The following DNMT1 variants were observed in gnomAD, a reference collection of about 807,000 sequenced individuals.
The protein encoded by DNMT1 is DNA (cytosine-5)-methyltransferase 1.
Under a neutral mutation model 205.3 loss-of-function variants are expected in DNMT1, and 24 were observed. The observed-to-expected ratio is 0.12, with a 90% CI of 0.08 to 0.16. DNMT1 has a LOEUF of 0.16. Ranked by LOEUF, DNMT1 falls within the 10% of genes least tolerant of loss-of-function variation. The pLI, the probability that DNMT1 is intolerant of heterozygous loss-of-function variation, is 1.00. For synonymous variants in DNMT1, 817 were observed against 839.8 expected (o/e 0.97, Z 0.47); for missense variants, 1,293 against 2,177.7 (o/e 0.59, Z 8.09).
intron 39 of DNMT1, among the ~76,000 whole-genome samples, chr19:10,135,271 G>A (rs1052031092): frequency 2.0e-5 from 3 of 151,486 alleles, no homozygotes; most frequent in African/African-American, 7.3e-5. Context: ...TCGGGGGGAG[G>A]GGTGAAATGT....
intron 9 of DNMT1, among the ~76,000 whole-genome samples, chr19:10,172,065 G>A (rs1484227044): frequency 4.6e-5 from 7 of 151,496 alleles, no homozygotes; most frequent in East Asian, 1.9e-4. Context: ...AAAGATCCTC[G>A]CTATGACAAC....
At position 10,154,192 on chromosome 19, in the gene DNMT1, G is replaced by T; in HGVS notation, c.2019+101C>A. On this transcript the variant is annotated intron_variant, in intron 22 of 40. Transcript: ENST00000359526. The surrounding 1 kb of genome is among the most constrained non-coding windows in gnomAD (Gnocchi z 6.3). ...CTGTCTCAGGGGTCACATTTGAGCA[G>T]CCAGAGTCTCAAGCCACAGAGAGAA... 1 of 1,270,174 alleles carries T rather than the reference G, an allele frequency of 7.9e-7. No individual in the cohort carries two copies. The allele number at this position is 1,270,174 out of a possible 1,614,324, so 78.7% of individuals were successfully genotyped here.
chr19:10,179,641 G>A (rs2039004375), intron 5 of DNMT1, among the ~76,000 whole-genome samples: 1 of 152,154 alleles, frequency 6.6e-6, no homozygotes, highest in African/African-American at 2.4e-5. Context: ...CTGACCTGGG[G>A]TCCAAGTTTA....
At chr19:10,161,166 G>A (rs560567301) in intron 13 of DNMT1, among the ~76,000 whole-genome samples, 6 of 152,204 alleles carry the variant, frequency 3.9e-5, no homozygotes, top group South Asian at 4.1e-4. Flanking sequence ...TTAGTTGGGC[G>A]CGGTGGCGCA....
Position 10,154,600 on chromosome 19 carries a change from G to A in DNMT1, c.1818C>T (p.Val606=), listed in dbSNP as rs780983040. Residue 606 remains valine, a synonymous_variant, in exon 21 of 41, where the codon GTC becomes GTT. Coordinates refer to ENST00000359526, the MANE Select transcript of DNMT1 (RefSeq NM_001130823.3). The surrounding 1 kb of genome is among the most constrained non-coding windows in gnomAD (Gnocchi z 6.3). ...CGCATCCTTACCTCTGTCCCAGCGT[G>A]ACCCCAGCCAGCTTGATCAGGTCCC... ...CMRDLIKLAG[V]TLGQRRAQAR... 1.9e-6 allele frequency: 3 copies of A among 1,614,002 alleles called. No individual in the cohort carries two copies. Among genetic ancestry groups the A allele is most frequent in the Non-Finnish European group, 2.5e-6 (3 of 1,179,952 alleles).
At chr19:10,134,345 C>T (rs2089435322) in intron 39 of DNMT1, 38 bp from the exon 40 acceptor site, 1 of 1,598,268 alleles carries the variant, frequency 6.3e-7, no homozygotes, top group Non-Finnish European at 8.6e-7. Flanking sequence ...GATGTGGACA[C>T]CCAGGCCCAA....
At position 10,149,034 on chromosome 19, in the gene DNMT1, G is replaced by T. The variant is rs757959200; in HGVS notation, c.2587-17C>A. Reference sequence around the variant, plus strand: ...CATGCCTCCCTTGGGAGATAAGAATGCGTGTCAGGCCAGGCGCAGTGGCTC... The same window carrying T: ...CATGCCTCCCTTGGGAGATAAGAATTCGTGTCAGGCCAGGCGCAGTGGCTC... On this transcript the variant is annotated splice_polypyrimidine_tract_variant and intron_variant, in intron 26 of 40. Coordinates refer to ENST00000359526, the MANE Select transcript of DNMT1 (RefSeq NM_001130823.3). 2 of 1,613,650 alleles carry T rather than the reference G, an allele frequency of 1.2e-6. No individual in the cohort carries two copies. The highest frequency in any genetic ancestry group is 1.7e-6 in the Non-Finnish European group (2 of 1,179,940).
chr19:10,182,088 G>C lies in DNMT1; in HGVS notation c.81-11C>G, dbSNP rs746306178. On this transcript the variant is annotated splice_polypyrimidine_tract_variant and intron_variant, in intron 1 of 40. Transcript: ENST00000359526. ...TCCAAATCTTTGAGCCTGGGAGGAA[G>C]AAATAGGGGAGAAAATACAAACACT... 6.2e-7 allele frequency: 1 copy of C among 1,612,496 alleles called. No homozygotes were observed. Among genetic ancestry groups the C allele is most frequent in the African/African-American group, 1.3e-5 (1 of 74,900 alleles).
At chr19:10,155,327 A>G (rs1253289198) in intron 19 of DNMT1, among the ~76,000 whole-genome samples, 1 of 151,728 alleles carries the variant, frequency 6.6e-6, no homozygotes, top group African/African-American at 2.4e-5. Flanking sequence ...TTGCAAGAAT[A>G]AGACCTGCTC....
chr19:10,159,518 G>T lies in DNMT1; in HGVS notation c.1280+140C>A. 1.1e-6 allele frequency: 1 copy of T among 883,706 alleles called. No homozygotes were observed. Among genetic ancestry groups the T allele is most frequent in the Non-Finnish European group, 1.8e-6 (1 of 555,318 alleles). The allele number at this position is 883,706 out of a possible 1,614,324, so 54.7% of individuals were successfully genotyped here. A position where few individuals can be genotyped will look rare whatever the true frequency, so the allele number is the denominator to read the frequency against. On this transcript the variant is annotated intron_variant, in intron 17 of 40. Coordinates refer to ENST00000359526, the MANE Select transcript of DNMT1 (RefSeq NM_001130823.3). The surrounding 1 kb of genome is among the most constrained non-coding windows in gnomAD (Gnocchi z 5.0). ...GCCACCGCGCCCAGCCCTCCACGGT[G>T]GCTCTTATCCACGAAGTGTTAGCTT...
At chr19:10,143,336 C>T (rs1023811771) in intron 29 of DNMT1, among the ~76,000 whole-genome samples, 8 of 151,902 alleles carry the variant, frequency 5.3e-5, no homozygotes, top group Admixed American at 1.3e-4. Flanking sequence ...CAGCCTCAGC[C>T]TCCCAAGTAG....
In DNMT1 at chr19:10,156,336, C is replaced by T; in HGVS notation, c.1399+55G>A. On this transcript the variant is annotated intron_variant, in intron 18 of 40. Transcript: ENST00000359526. This position sits in a 1 kb window ranked among gnomAD's most constrained non-coding sequence, Gnocchi z 4.2. Reference sequence around the variant, plus strand: ...TGCTAGGATTACAGATGTGAGCCACCCTGCCTGGCTGTTTTTAAAGTGTGC... The same window carrying T: ...TGCTAGGATTACAGATGTGAGCCACTCTGCCTGGCTGTTTTTAAAGTGTGC... 2.8e-6 allele frequency: 4 copies of T among 1,419,948 alleles called. No homozygotes were observed. The highest frequency in any genetic ancestry group is 3.0e-6 in the Non-Finnish European group (3 of 1,006,754). 88.0% of individuals were successfully genotyped at this position (1,419,948 alleles called of 1,614,324 possible).
intron 3 of DNMT1, 98 bp downstream of exon 3, chr19:10,180,680 A>G: frequency 6.9e-7 from 1 of 1,454,700 alleles, no homozygotes; most frequent in Non-Finnish European, 9.6e-7. Flanking sequence ...ATCATCAGGC[A>G]ATGAGGACAG....
intron 6 of DNMT1, among the ~76,000 whole-genome samples, chr19:10,175,980 C>T (rs1465471099): frequency 2.0e-5 from 3 of 152,098 alleles, no homozygotes; most frequent in African/African-American, 7.2e-5. Flanking sequence ...CCAGCCTGGC[C>T]AACGTGGTAA....
In DNMT1 at chr19:10,146,412, T is replaced by G; in HGVS notation, c.2833A>C (p.Asn945His). 1 of 1,614,018 alleles carries G rather than the reference T, an allele frequency of 6.2e-7. No individual in the cohort carries two copies. The highest frequency in any genetic ancestry group is 8.5e-7 in the Non-Finnish European group (1 of 1,179,996). The part of the protein sequence containing the change: ...SRVLYYSATK[N>H]GILYRVGDGV... ...TCACCAACTCGGTACAGGATGCCGT[T>G]CTTGGTGGCTGAGTAGTAGAGGACC... Residue 945 changes from asparagine to histidine, a missense_variant, in exon 28 of 41, where the codon AAC becomes CAC. By Grantham distance (68) the Asn-to-His change is moderately conservative (BLOSUM62 1). This residue lies in a region of DNMT1 where 112 missense variants were observed against 116.6 expected (regional missense o/e 0.96). Transcript: ENST00000359526. The surrounding 1 kb of genome is among the most constrained non-coding windows in gnomAD (Gnocchi z 4.4).
chr19:10,137,976 C>T lies in DNMT1; in HGVS notation c.4149G>A (p.Val1383=). ...LSSGPFRTIT[V]RDTMSDLPEV... ...CCGGCAGGTCGGACATCGTGTCTCG[C>T]ACCGTGATGGTCCGGAAAGGACCCG... is the stretch of plus-strand genomic sequence containing the variant. Residue 1383 remains valine, a synonymous_variant, in exon 36 of 41, where the codon GTG becomes GTA. Coordinates refer to ENST00000359526, the MANE Select transcript of DNMT1 (RefSeq NM_001130823.3). The surrounding 1 kb of genome is among the most constrained non-coding windows in gnomAD (Gnocchi z 6.4). The T allele has an allele frequency of 6.2e-7, 1 of 1,611,784 alleles. No homozygotes were observed. The highest frequency in any genetic ancestry group is 8.5e-7 in the Non-Finnish European group (1 of 1,179,262).
intron 1 of DNMT1, among the ~76,000 whole-genome samples, chr19:10,189,343 G>A (rs1035012262): frequency 6.6e-6 from 1 of 151,732 alleles, no homozygotes; most frequent in Non-Finnish European, 1.5e-5. Context: ...GGATGGTCTC[G>A]ATCTCCTGAC....
chr19:10,175,675 G>T (rs2038926278), intron 6 of DNMT1, 57 bp from the exon 7 acceptor site: 2 of 1,534,370 alleles, frequency 1.3e-6, no homozygotes, highest in African/African-American at 1.4e-5. Context: ...CCTCCAGCTG[G>T]CCTGAAGTGG....
In DNMT1 at chr19:10,135,673, C is replaced by T. The variant is rs776837009; in HGVS notation, c.4773+63G>A. On this transcript the variant is annotated intron_variant, in intron 39 of 40. Coordinates refer to ENST00000359526, the MANE Select transcript of DNMT1 (RefSeq NM_001130823.3). ...GAAGTGACTGCGCTGGCCCCAGCCCCACCTGGTGACAGGCACAGAAGCCTC... is the reference window on the plus strand; with the variant it reads ...GAAGTGACTGCGCTGGCCCCAGCCCTACCTGGTGACAGGCACAGAAGCCTC... 2.6e-6 allele frequency: 4 copies of T among 1,553,844 alleles called. No homozygotes were observed. In the South Asian group the frequency reaches 4.6e-5, roughly 18 times the overall value.
Sources: allele counts gnomAD v4.1 joint callset (sites outside exome capture counted in the v4.1 genomes callset), GRCh38; gene constraint gnomAD v4.1.1; regional missense constraint gnomAD v4.1.1; non-coding constraint Gnocchi (gnomAD v3.1); transcripts MANE v1.5; gene names NCBI Gene and HGNC (gene_info 2026-07-23, HGNC 2026-07-21).